The following ATM variants were observed in gnomAD, a reference collection of about 807,000 sequenced individuals.
The protein encoded by ATM is serine-protein kinase ATM.
A neutral mutation model predicts 387.0 loss-of-function variants in ATM; 308 were observed. That is an observed-to-expected ratio of 0.80 (90% CI 0.73 to 0.87). ATM has a LOEUF of 0.87. Among genes scored for constraint, ATM ranks in the 40% least tolerant of loss-of-function variants. ATM has a pLI of 0.00. For missense variants in ATM, 3,312 were observed against 3,560.9 expected (o/e 0.93, Z 1.78); for synonymous variants, 1,156 against 1,187.3 (o/e 0.97, Z 0.54).
chr11:108,263,751 AAAAG>A lies in ATM; in HGVS notation c.2467-3418_2467-3415del, dbSNP rs1344289992. ...ACCGCTAGCAAGACTAATAAAGAAA[AAAAG>A]AGAGAAGAATCAAATAGACGCAATA... On this transcript the variant is annotated intron_variant, in intron 16 of 62. Transcript: ENST00000675843. 2.6e-3 allele frequency among the ~76,000 whole-genome samples: 387 copies of A among 147,280 alleles called. 2 individuals are homozygous for A. The highest frequency in any genetic ancestry group is 9.3e-3 in the African/African-American group (371 of 40,108).
chr11:108,259,717 C>T (rs2080744594), intron 16 of ATM, among the ~76,000 whole-genome samples: 1 of 152,126 alleles, frequency 6.6e-6, no homozygotes, highest in African/African-American at 2.4e-5. Flanking sequence ...TTAAAAGTGA[C>T]CAAAAATCTT....
intron 45 of ATM, 95 bp from the exon 46 acceptor site, chr11:108,325,215 A>G: frequency 1.2e-6 from 1 of 831,300 alleles, no homozygotes; most frequent in Non-Finnish European, 1.9e-6. Flanking sequence ...TTGTATTATT[A>G]TAATATTATA....
At chr11:108,268,091 C>T (rs927030445) in intron 17 of ATM, among the ~76,000 whole-genome samples, 2 of 152,114 alleles carry the variant, frequency 1.3e-5, no homozygotes, top group Non-Finnish European at 2.9e-5. Context: ...CACCATTTTT[C>T]TGTCATAAAT....
At position 108,267,123 on chromosome 11, in the gene ATM, G is replaced by A. The variant is rs148039729; in HGVS notation, c.2467-48G>A. On this transcript the variant is annotated intron_variant, in intron 16 of 62. Transcript: ENST00000675843. ...ATTAGGTAAATTTTGACTACAGCAT[G>A]CTCCTGCAAGAAGCCATCTTGAACA... is the stretch of plus-strand genomic sequence containing the variant. 1.3e-4 allele frequency: 214 copies of A among 1,588,450 alleles called. 1 individual carries two copies. The East Asian group carries it at 4.7e-3, about 35-fold the overall frequency.
chr11:108,334,908 T>G, intron 54 of ATM, 61 bp from the exon 55 acceptor site: 2 of 1,548,130 alleles, frequency 1.3e-6, no homozygotes, highest in Non-Finnish European at 1.8e-6. Flanking sequence ...TATAATGTAT[T>G]TTTCTTTAAG....
At chr11:108,294,607 C>T (rs2083015435) in intron 31 of ATM, among the ~76,000 whole-genome samples, 1 of 152,166 alleles carries the variant, frequency 6.6e-6, no homozygotes, top group Non-Finnish European at 1.5e-5. Context: ...GGCGTGGTGG[C>T]ACATTCCTGT....
At chr11:108,228,650 T>C (rs535327431) in intron 3 of ATM, among the ~76,000 whole-genome samples, 1 of 152,362 alleles carries the variant, frequency 6.6e-6, no homozygotes, top group South Asian at 2.1e-4. Context: ...GAAACATGCA[T>C]GCTGTTTTTC....
At chr11:108,361,663 T>C (rs1042650854) in intron 61 of ATM, among the ~76,000 whole-genome samples, 1 of 151,714 alleles carries the variant, frequency 6.6e-6, no homozygotes, top group African/African-American at 2.4e-5. Context: ...AACTATCTGA[T>C]CTTTGACAAA....
rs2136457026 is a variant in ATM at position 108,330,295 on chromosome 11, A to T, written c.7389A>T (p.Leu2463Phe). 6.2e-7 allele frequency: 1 copy of T among 1,614,202 alleles called. No homozygotes were observed. Among genetic ancestry groups the T allele is most frequent in the Non-Finnish European group, 8.5e-7 (1 of 1,180,020 alleles). ...RALKEDRKRF[L>F]CKAVENYINC... is the part of the protein sequence containing the mutation. ...TGAAAGAGGATCGTAAACGCTTCTT[A>T]TGTAAAGCAGTTGAAAATTATATCA... is the stretch of plus-strand genomic sequence containing the variant. Residue 2463 changes from leucine to phenylalanine, a missense_variant, in exon 50 of 63, where the codon TTA (leucine) becomes TTT (phenylalanine). Transcript: ENST00000675843.
At chr11:108,310,409 C>CA (rs2084051398) in intron 39 of ATM, 94 bp downstream of exon 39, 2 of 1,147,204 alleles carry the variant, frequency 1.7e-6, no homozygotes, top group Non-Finnish European at 2.5e-6. Context: ...TCCTGTTCCC[C>CA]ATTTAAAAGA....
At chr11:108,261,397 C>T (rs1443940685) in intron 16 of ATM, among the ~76,000 whole-genome samples, 2 of 152,180 alleles carry the variant, frequency 1.3e-5, no homozygotes, top group Admixed American at 6.5e-5. Context: ...TGGCAGGGTA[C>T]TCCAACAGGC....
intron 29 of ATM, among the ~76,000 whole-genome samples, chr11:108,292,035 C>T (rs1006846553): frequency 5.3e-5 from 8 of 152,192 alleles, no homozygotes; most frequent in African/African-American, 1.9e-4. Context: ...GTTGGTCTGC[C>T]TTACAAAGTT....
Position 108,247,159 on chromosome 11 carries a change from A to G in ATM, c.1065+32A>G, listed in dbSNP as rs1428666267. 7 of 1,611,610 alleles carry G rather than the reference A, an allele frequency of 4.3e-6. No homozygotes were observed. The African/African-American group carries it at 8.0e-5, about 18-fold the overall frequency. ...TAAGTAGGTCATGTCACATTTAGAA[A>G]TTTCCTGTTAATTTTTTTTTTAAAC... On this transcript the variant is annotated intron_variant, in intron 8 of 62. Coordinates refer to ENST00000675843, the MANE Select transcript of ATM (RefSeq NM_000051.4).
At chr11:108,274,260 T>C (rs1280080316) in intron 22 of ATM, among the ~76,000 whole-genome samples, 2 of 152,140 alleles carry the variant, frequency 1.3e-5, no homozygotes, top group African/African-American at 2.4e-5. Flanking sequence ...TTCTTCTCTC[T>C]TTATTAGTCT....
intron 22 of ATM, among the ~76,000 whole-genome samples, chr11:108,278,059 T>A (rs192474263): frequency 1.3e-5 from 2 of 152,252 alleles, no homozygotes; most frequent in East Asian, 3.9e-4. Context: ...AATTACATGA[T>A]GCTTCAAAAA....
rs1472128412 is a variant in ATM, at chr11:108,368,095, CCTGTT to C, written c.*2594_*2598del. 4.8e-5 allele frequency: 10 copies of C among 208,266 alleles called. No homozygotes were observed. Among genetic ancestry groups the C allele is most frequent in the Admixed American group, 1.2e-4 (2 of 16,888 alleles). 12.9% of individuals were successfully genotyped at this position (208,266 alleles called of 1,614,324 possible). On this transcript the variant is annotated 3_prime_UTR_variant, in exon 63 of 63. Transcript: ENST00000675843. ...GCCTTGCATGGTATGCTATGAGGCT[CCTGTT>C]CTGTTCAAGTATTCTAATCAATGGC...
intron 44 of ATM, among the ~76,000 whole-genome samples, chr11:108,320,818 A>G (rs1253716449): frequency 6.6e-6 from 1 of 152,238 alleles, no homozygotes; most frequent in Non-Finnish European, 1.5e-5. Context: ...CTTAACTACT[A>G]ATAGCTTACT....
At chr11:108,252,362 A>T (rs1305532839) in intron 11 of ATM, among the ~76,000 whole-genome samples, 2 of 152,160 alleles carry the variant, frequency 1.3e-5, no homozygotes, top group African/African-American at 4.8e-5. Flanking sequence ...ATCCTTTCTC[A>T]TAATGGGAGT....
chr11:108,251,534 C>T (rs2080148867), intron 10 of ATM, among the ~76,000 whole-genome samples: 1 of 152,134 alleles, frequency 6.6e-6, no homozygotes, highest in South Asian at 2.1e-4. Flanking sequence ...GGTCTTATTC[C>T]TTCTAATTGT....
Sources: gnomAD v4.1 joint callset for allele counts (sites outside exome capture counted in the v4.1 genomes callset) on GRCh38, gnomAD v4.1.1 for gene constraint, MANE v1.5 for transcripts, NCBI Gene and HGNC (gene_info 2026-07-23, HGNC 2026-07-21) for gene names.